Variants in CREG2 observed in about 807,000 individuals in gnomAD.
The protein encoded by CREG2 is protein CREG2.
CREG2 carries 24 observed loss-of-function variants against 26.2 expected under a neutral mutation model. The ratio of observed to expected loss-of-function variants is 0.92; its 90% CI spans 0.66 to 1.29. CREG2 has a LOEUF of 1.29. Among genes scored for constraint, CREG2 ranks in the 50% most tolerant of loss-of-function variants. The pLI is 0.00. For synonymous variants in CREG2, 174 were observed against 169.2 expected (o/e 1.03, Z -0.22); for missense variants, 366 against 398.6 (o/e 0.92, Z 0.70).
intron 2 of CREG2, among the ~76,000 whole-genome samples, chr2:101,365,259 T>C (rs1684603215): frequency 6.6e-6 from 1 of 152,196 alleles, no homozygotes; most frequent in African/African-American, 2.4e-5. Context: ...GAAAGCACTG[T>C]GTTGTTCCTG....
chr2:101,359,054 A>T (rs1684503154), intron 2 of CREG2, among the ~76,000 whole-genome samples: 1 of 18,128 alleles, frequency 5.5e-5, no homozygotes, highest in African/African-American at 8.2e-5. Flanking sequence ...AAAAAAAAAA[A>T]AAAAAAAAAA....
At chr2:101,359,690 T>C (rs6751877) in intron 2 of CREG2, among the ~76,000 whole-genome samples, 127,080 of 152,200 alleles carry the variant, frequency 0.83, 53,527 homozygotes, top group East Asian at 1. Flanking sequence ...CCTACAGTAA[T>C]AAAAACAGTT....
At chr2:101,386,936 G>C in intron 1 of CREG2, 81 bp downstream of exon 1, 1 of 1,207,938 alleles carries the variant, frequency 8.3e-7, no homozygotes, top group Non-Finnish European at 1.0e-6. Context: ...AGTCCCGAGC[G>C]GTCGCGAGCA....
chr2:101,382,375 G>A (rs1289206225), intron 2 of CREG2: 3 of 510,698 alleles, frequency 5.9e-6, no homozygotes, highest in African/African-American at 4.3e-5. Flanking sequence ...GCAGTGAACC[G>A]AGATTGCGCC....
chr2:101,357,794 G>A (rs1370208130), intron 2 of CREG2, among the ~76,000 whole-genome samples: 1 of 151,718 alleles, frequency 6.6e-6, no homozygotes, highest in Non-Finnish European at 1.5e-5. Flanking sequence ...GCTCACAGGG[G>A]TGCAGCCAGG....
intron 2 of CREG2, chr2:101,382,662 A>G (rs1024407096): frequency 2.0e-6 from 2 of 985,400 alleles, no homozygotes; most frequent in South Asian, 9.4e-5. Context: ...CTTGCATTGT[A>G]TAGTTGCTTT....
intron 3 of CREG2, among the ~76,000 whole-genome samples, chr2:101,354,017 G>A (rs1284647070): frequency 6.6e-6 from 1 of 152,062 alleles, no homozygotes; most frequent in East Asian, 1.9e-4. Flanking sequence ...CTAATGTATG[G>A]GGGACCTTAA....
chr2:101,354,901 C>T (rs772842694), intron 3 of CREG2, among the ~76,000 whole-genome samples: 4 of 152,090 alleles, frequency 2.6e-5, no homozygotes, highest in African/African-American at 7.2e-5. Flanking sequence ...AGAAACGCTG[C>T]GCTGGCATCC....
intron 2 of CREG2, among the ~76,000 whole-genome samples, chr2:101,381,793 A>G (rs1684878595): frequency 6.6e-6 from 1 of 152,160 alleles, no homozygotes; most frequent in African/African-American, 2.4e-5. Flanking sequence ...CCAGTTAGCC[A>G]GGGGGCTGCA....
chr2:101,351,971 G>A (rs956671162), intron 3 of CREG2, among the ~76,000 whole-genome samples: 2 of 151,714 alleles, frequency 1.3e-5, no homozygotes, highest in East Asian at 3.9e-4. Context: ...CCGCAGCCTC[G>A]ATCTCCTGGG....
At chr2:101,362,130 C>A (rs1684550805) in intron 2 of CREG2, among the ~76,000 whole-genome samples, 2 of 152,156 alleles carry the variant, frequency 1.3e-5, no homozygotes, top group South Asian at 4.1e-4. Flanking sequence ...GCTCAAGGAG[C>A]TGCTTGCTGA....
chr2:101,364,614 C>G (rs759349206), intron 2 of CREG2, among the ~76,000 whole-genome samples: 1 of 152,170 alleles, frequency 6.6e-6, no homozygotes, highest in Non-Finnish European at 1.5e-5. Flanking sequence ...AAAAAGGGCT[C>G]TTACTGGGGA....
chr2:101,383,010 A>G (rs1240790063), intron 2 of CREG2: 2 of 986,658 alleles, frequency 2.0e-6, no homozygotes, highest in African/African-American at 3.5e-5. Context: ...AAATGTCTTT[A>G]GAAGTGTTTT....
chr2:101,358,400 T>C (rs912736111), intron 2 of CREG2, among the ~76,000 whole-genome samples: 22 of 152,210 alleles, frequency 1.4e-4, no homozygotes, highest in African/African-American at 2.4e-5. Flanking sequence ...TATCTGATTA[T>C]AAACTTTTAA....
At chr2:101,364,161 T>C (rs890820258) in intron 2 of CREG2, among the ~76,000 whole-genome samples, 2 of 152,138 alleles carry the variant, frequency 1.3e-5, no homozygotes, top group Admixed American at 6.6e-5. Flanking sequence ...ATAGAACCCA[T>C]TGAGATATGT....
At chr2:101,383,328 C>G (rs995369636) in intron 2 of CREG2, among the ~76,000 whole-genome samples, 9 of 152,208 alleles carry the variant, frequency 5.9e-5, no homozygotes, top group African/African-American at 2.2e-4. Context: ...GATGAAGAAA[C>G]TGAGGCTCCC....
At position 101,385,011 on chromosome 2, in the gene CREG2, A is replaced by G. The variant is rs566290804; in HGVS notation, c.442-1309T>C. ...CCTCCCCAGAAGCAGATGCTGCACC[A>G]TGCTTTCTGAACAGCATGCAGAACT... On this transcript the variant is annotated intron_variant, in intron 1 of 3. Coordinates refer to ENST00000324768, the MANE Select transcript of CREG2 (RefSeq NM_153836.4). 2.2e-3 allele frequency among the ~76,000 whole-genome samples: 335 copies of G among 152,308 alleles called. 4 individuals are homozygous for G. The highest frequency in any genetic ancestry group is 7.6e-3 in the African/African-American group (317 of 41,566).
chr2:101,363,861 CA>C (rs1684581280), intron 2 of CREG2, among the ~76,000 whole-genome samples: 4 of 151,248 alleles, frequency 2.6e-5, no homozygotes, highest in Non-Finnish European at 4.4e-5. Context: ...AACACACACA[CA>C]CACACACACA....
At chr2:101,362,522 G>A (rs187368248) in intron 2 of CREG2, among the ~76,000 whole-genome samples, 4 of 152,254 alleles carry the variant, frequency 2.6e-5, no homozygotes, top group South Asian at 2.1e-4. Context: ...GTGGAGGCGT[G>A]CCCACCTACT....
Sources: allele counts gnomAD v4.1 joint callset (sites outside exome capture counted in the v4.1 genomes callset), GRCh38; gene constraint gnomAD v4.1.1; transcripts MANE v1.5; gene names NCBI Gene and HGNC (gene_info 2026-07-23, HGNC 2026-07-21).